Variants in KAZN observed in about 807,000 individuals in gnomAD.
KAZN encodes kazrin, periplakin interacting protein, also known as kazrin.
KAZN carries 40 observed loss-of-function variants against 87.4 expected under a neutral mutation model. That is an observed-to-expected ratio of 0.46 (90% confidence interval 0.36 to 0.60). The LOEUF (loss-of-function observed/expected upper bound fraction) is 0.60. Ranked by LOEUF, KAZN falls within the 20% of genes least tolerant of loss-of-function variation. The pLI, the probability that KAZN is intolerant of heterozygous loss-of-function variation, is 0.00. For missense variants in KAZN, 898 were observed against 1,073.9 expected (o/e 0.84, Z 2.29); for synonymous variants, 466 against 458.3 (o/e 1.02, Z -0.22).
At chr1:14,421,074 T>C (rs1665391797) in intron 2 of KAZN, among the ~76,000 whole-genome samples, 1 of 152,228 alleles carries the variant, frequency 6.6e-6, no homozygotes, top group African/African-American at 2.4e-5. Flanking sequence ...GCCAGCACGC[T>C]GCCCTCTCTC....
At chr1:13,899,729 C>T (rs1570219775) in intron 1 of KAZN, among the ~76,000 whole-genome samples, 1 of 151,610 alleles carries the variant, frequency 6.6e-6, no homozygotes, top group Admixed American at 6.6e-5. Context: ...CTGCAACCTC[C>T]GCCTCCTGGG....
intron 1 of KAZN, among the ~76,000 whole-genome samples, chr1:14,034,548 G>A (rs1016507317): frequency 1.3e-5 from 2 of 152,206 alleles, no homozygotes; most frequent in Non-Finnish European, 2.9e-5. Context: ...AAGTGAACAA[G>A]GCGTTTGCCA....
At chr1:14,236,593 T>C (rs912123106) in intron 2 of KAZN, among the ~76,000 whole-genome samples, 15 of 152,154 alleles carry the variant, frequency 9.9e-5, no homozygotes, top group Non-Finnish European at 2.1e-4. Flanking sequence ...CAAGGATGAC[T>C]TGAAGCTAAT....
intron 2 of KAZN, among the ~76,000 whole-genome samples, chr1:14,398,640 A>G (rs1168065694): frequency 1.3e-5 from 2 of 152,186 alleles, no homozygotes; most frequent in African/African-American, 4.8e-5. Flanking sequence ...CACTTTTCCC[A>G]GAAGAGGAAA....
At chr1:14,931,556 C>T (rs1659826621) in intron 1 of KAZN, among the ~76,000 whole-genome samples, 1 of 152,154 alleles carries the variant, frequency 6.6e-6, no homozygotes. Flanking sequence ...TCTCAGACTT[C>T]AGGGATTGCA....
intron 1 of KAZN, among the ~76,000 whole-genome samples, chr1:13,942,571 AATGTATAT>A (rs1557735815): frequency 3.8e-5 from 4 of 104,290 alleles, no homozygotes; most frequent in Admixed American, 9.5e-5. Flanking sequence ...AAAAAAAAAA[AATGTATAT>A]ATATAATTCA....
intron 2 of KAZN, among the ~76,000 whole-genome samples, chr1:14,371,285 G>A (rs112139232): frequency 0.028 from 4,318 of 152,252 alleles, 159 homozygotes; most frequent in Admixed American, 0.11. Context: ...CCTCTTATGG[G>A]GGGCAAATGA....
At chr1:14,841,233 G>A (rs531069739) in intron 1 of KAZN, among the ~76,000 whole-genome samples, 3 of 151,542 alleles carry the variant, frequency 2.0e-5, no homozygotes, top group South Asian at 2.1e-4. Context: ...TTGAAACCCC[G>A]TCTCTACTAA....
In KAZN at chr1:14,663,711, G is replaced by A. The variant is rs531949260; in HGVS notation, c.226+64488G>A. ...GGAAACACTGGAATCTTTGTGCACC[G>A]TTGGTGGGAAAGGAAAATGATGCAG... On this transcript the variant is annotated intron_variant, in intron 1 of 14. Transcript: ENST00000376030. 8.5e-5 allele frequency among the ~76,000 whole-genome samples: 13 copies of A among 152,350 alleles called. No homozygotes were observed. The South Asian group carries it at 1.2e-3, about 15-fold the overall frequency.
chr1:14,091,470 C>A (rs1643991700), intron 1 of KAZN, among the ~76,000 whole-genome samples: 1 of 151,956 alleles, frequency 6.6e-6, no homozygotes, highest in Non-Finnish European at 1.5e-5. Flanking sequence ...GTTTTTCTAG[C>A]CTTAGGAAGG....
At chr1:14,662,159 T>C (rs1054857539) in intron 1 of KAZN, among the ~76,000 whole-genome samples, 1 of 152,144 alleles carries the variant, frequency 6.6e-6, no homozygotes, top group Non-Finnish European at 1.5e-5. Context: ...GTCAACTCCA[T>C]CAGCTTCATT....
intron 2 of KAZN, among the ~76,000 whole-genome samples, chr1:14,405,605 A>AATAT (rs200108346): frequency 1.2e-5 from 1 of 86,178 alleles, no homozygotes; most frequent in Non-Finnish European, 2.5e-5. Flanking sequence ...GACCCAATAA[A>AATAT]ATGTGTGTGT....
intron 1 of KAZN, among the ~76,000 whole-genome samples, chr1:14,861,138 G>T (rs1257256340): frequency 6.6e-6 from 1 of 152,226 alleles, no homozygotes; most frequent in African/African-American, 2.4e-5. Context: ...AGCACTTTGA[G>T]AGGCCAAGGT....
intron 2 of KAZN, among the ~76,000 whole-genome samples, chr1:14,400,326 C>T (rs938739035): frequency 2.0e-5 from 3 of 152,102 alleles, no homozygotes; most frequent in Non-Finnish European, 4.4e-5. Flanking sequence ...TGGCACTTCT[C>T]GAATTTTTCA....
intron 1 of KAZN, among the ~76,000 whole-genome samples, chr1:14,714,691 C>G (rs550113926): frequency 3.3e-5 from 5 of 152,168 alleles, no homozygotes; most frequent in African/African-American, 1.2e-4. Flanking sequence ...AGCATACCTG[C>G]TCTGTGCTCT....
chr1:13,960,619 CG>C (rs1199490874), intron 1 of KAZN, among the ~76,000 whole-genome samples: 1 of 152,152 alleles, frequency 6.6e-6, no homozygotes, highest in Non-Finnish European at 1.5e-5. Context: ...ACATTGACGC[CG>C]GGAGACCAAA....
At chr1:14,386,365 G>GC (rs1178778710) in intron 2 of KAZN, among the ~76,000 whole-genome samples, 1 of 150,464 alleles carries the variant, frequency 6.6e-6, no homozygotes, top group African/African-American at 2.4e-5. Context: ...GATGATGTTA[G>GC]CTGGTTATTT....
At chr1:14,875,562 C>G (rs1308831976) in intron 1 of KAZN, among the ~76,000 whole-genome samples, 1 of 151,760 alleles carries the variant, frequency 6.6e-6, no homozygotes, top group Non-Finnish European at 1.5e-5. Flanking sequence ...GTGAAAATCA[C>G]TGGATTCTTA....
chr1:14,340,534 T>A (rs1239697221), intron 2 of KAZN, among the ~76,000 whole-genome samples: 1 of 152,220 alleles, frequency 6.6e-6, no homozygotes, highest in Admixed American at 6.5e-5. Flanking sequence ...TGAGATTATT[T>A]TTCTTCTGTA....
Sources: gnomAD v4.1 joint callset for allele counts (sites outside exome capture counted in the v4.1 genomes callset) on GRCh38, gnomAD v4.1.1 for gene constraint, MANE v1.5 for transcripts, NCBI Gene and HGNC (gene_info 2026-07-23, HGNC 2026-07-21) for gene names.